LRRIQ3: variants seen among roughly 807,000 people sequenced by gnomAD.
The protein encoded by LRRIQ3 is leucine-rich repeat and IQ domain-containing protein 3.
Under a neutral mutation model 59.3 loss-of-function variants are expected in LRRIQ3, and 75 were observed. That is an observed-to-expected ratio of 1.26 (90% CI 1.05 to 1.53). The LOEUF (loss-of-function observed/expected upper bound fraction) is 1.53. Ranked by LOEUF, LRRIQ3 falls within the 40% of genes most tolerant of loss-of-function variation. The pLI is 0.00. For synonymous variants in LRRIQ3, 250 were observed against 231.3 expected (o/e 1.08, Z -0.73); for missense variants, 831 against 710.0 (o/e 1.17, Z -1.94).
chr1:74,092,012 C>T (rs917325507), intron 5 of LRRIQ3, among the ~76,000 whole-genome samples: 23 of 151,828 alleles, frequency 1.5e-4, no homozygotes, highest in Non-Finnish European at 2.8e-4. Flanking sequence ...ATGATAAAAC[C>T]AAAATCTAGC....
At chr1:74,044,531 C>T (rs1166748063) in intron 6 of LRRIQ3, among the ~76,000 whole-genome samples, 2 of 152,164 alleles carry the variant, frequency 1.3e-5, no homozygotes, top group Non-Finnish European at 2.9e-5. Flanking sequence ...CTAAAATTTA[C>T]ACCCTAATAT....
chr1:74,056,070 G>C (rs542549951), intron 6 of LRRIQ3, among the ~76,000 whole-genome samples: 16 of 151,162 alleles, frequency 1.1e-4, no homozygotes, highest in Non-Finnish European at 1.9e-4. Context: ...GCTCCAAGTC[G>C]GGAGGTGGAG....
At chr1:74,113,729 A>G (rs1048756998) in intron 4 of LRRIQ3, among the ~76,000 whole-genome samples, 4 of 152,090 alleles carry the variant, frequency 2.6e-5, no homozygotes, top group African/African-American at 9.7e-5. Flanking sequence ...TTCCAGATCA[A>G]TACAAGCTAA....
intron 7 of LRRIQ3, among the ~76,000 whole-genome samples, chr1:74,034,154 T>G (rs893452101): frequency 2.0e-5 from 3 of 152,010 alleles, no homozygotes; most frequent in African/African-American, 4.8e-5. Flanking sequence ...TTATGGAAAT[T>G]TATCAGAATG....
chr1:74,124,531 T>G (rs1487689509), intron 4 of LRRIQ3, among the ~76,000 whole-genome samples: 1 of 151,982 alleles, frequency 6.6e-6, no homozygotes, highest in East Asian at 1.9e-4. Context: ...TGATGTGATT[T>G]TTCTATATGG....
At chr1:74,105,255 G>C (rs201256295) in intron 5 of LRRIQ3, among the ~76,000 whole-genome samples, 1 of 14,398 alleles carries the variant, frequency 6.9e-5, no homozygotes, top group Non-Finnish European at 7.0e-4. Context: ...GTGTGTGTGT[G>C]TATTTTTTTT....
intron 3 of LRRIQ3, among the ~76,000 whole-genome samples, chr1:74,177,589 G>A (rs1165503355): frequency 6.6e-6 from 1 of 151,584 alleles, no homozygotes; most frequent in Admixed American, 6.6e-5. Flanking sequence ...TACCTTTTTA[G>A]TCTCCTGATG....
chr1:74,197,983 C>A lies in LRRIQ3; in HGVS notation c.-1+13G>T, dbSNP rs1217181009. On this transcript the variant is annotated intron_variant, in intron 1 of 7. Coordinates refer to ENST00000354431, the MANE Select transcript of LRRIQ3 (RefSeq NM_001105659.2). ...GGTTCTAACAATTTTGTCACCCAAA[C>A]TGAACCACTCACCGGGTCAACTGGG... The A allele has an allele frequency of 6.1e-6, 3 of 494,868 alleles. No individual in the cohort carries two copies. The highest frequency in any genetic ancestry group is 1.1e-5 in the Non-Finnish European group (3 of 283,610). The allele number at this position is 494,868 out of a possible 1,614,324, so 30.7% of individuals were successfully genotyped here.
At chr1:74,083,210 G>A (rs1646291668) in intron 5 of LRRIQ3, 1 of 151,616 alleles carries the variant, frequency 6.6e-6, no homozygotes, top group African/African-American at 2.4e-5. Flanking sequence ...AAATTCTACA[G>A]CCTCAGTACA....
intron 3 of LRRIQ3, among the ~76,000 whole-genome samples, chr1:74,156,682 T>G (rs1570228603): frequency 6.6e-6 from 1 of 152,194 alleles, no homozygotes. Flanking sequence ...AAATAATGTA[T>G]AGTAGTTAAA....
chr1:74,059,636 T>C (rs1218356820), intron 6 of LRRIQ3, among the ~76,000 whole-genome samples: 2 of 152,086 alleles, frequency 1.3e-5, no homozygotes, highest in African/African-American at 4.8e-5. Flanking sequence ...AACTGTGAGT[T>C]CTTCAAATTT....
intron 5 of LRRIQ3, among the ~76,000 whole-genome samples, chr1:74,086,117 C>T (rs1001719508): frequency 3.3e-5 from 5 of 152,056 alleles, no homozygotes; most frequent in Non-Finnish European, 5.9e-5. Flanking sequence ...ATAAATTTAT[C>T]TTTGTGAACA....
chr1:74,094,936 A>T (rs138004704), intron 5 of LRRIQ3: 1 of 152,266 alleles, frequency 6.6e-6, no homozygotes, highest in African/African-American at 2.4e-5. Flanking sequence ...TCTATAATAA[A>T]GGAAACTCAT....
At chr1:74,187,613 G>C (rs574341054) in intron 1 of LRRIQ3, among the ~76,000 whole-genome samples, 77 of 152,170 alleles carry the variant, frequency 5.1e-4, no homozygotes, top group Non-Finnish European at 9.0e-4. Context: ...ACGAGGTATA[G>C]AAGACTACAT....
At chr1:74,138,167 A>C (rs79003618) in intron 4 of LRRIQ3, among the ~76,000 whole-genome samples, 7,389 of 109,134 alleles carry the variant, frequency 0.068, 206 homozygotes, top group Admixed American at 0.097. Context: ...AACAAACAAA[A>C]AAAAAAAACA....
chr1:74,115,673 A>T (rs1333937074), intron 4 of LRRIQ3, among the ~76,000 whole-genome samples: 5 of 152,122 alleles, frequency 3.3e-5, no homozygotes, highest in African/African-American at 1.2e-4. Context: ...GGGGTCTTGG[A>T]TCTTTCATGA....
Position 74,075,331 on chromosome 1 carries a change from C to A in LRRIQ3, c.868-541G>T, listed in dbSNP as rs1646192807. Among the ~76,000 whole-genome samples, 3 of 152,144 alleles carry A rather than the reference C, an allele frequency of 2.0e-5. No individual in the cohort carries two copies. In the South Asian group the frequency reaches 6.2e-4, roughly 32 times the overall value. On this transcript the variant is annotated intron_variant, in intron 5 of 7. Coordinates refer to ENST00000354431, the MANE Select transcript of LRRIQ3 (RefSeq NM_001105659.2). ...CCTGTAACCCTAGCACTTTGGGAGG[C>A]CGAGGCAGGTGGATCACCTGAGGTT...
chr1:74,046,864 G>C (rs1296964008), intron 6 of LRRIQ3, among the ~76,000 whole-genome samples: 1 of 152,130 alleles, frequency 6.6e-6, no homozygotes, highest in Non-Finnish European at 1.5e-5. Context: ...CATCATCTTT[G>C]GTCATTATAG....
chr1:74,130,812 A>G (rs1557630536), intron 4 of LRRIQ3, among the ~76,000 whole-genome samples: 1 of 152,140 alleles, frequency 6.6e-6, no homozygotes, highest in Admixed American at 6.6e-5. Context: ...TAACATCACA[A>G]TTAAAAGAAC....
Sources: gnomAD v4.1 joint callset for allele counts (sites outside exome capture counted in the v4.1 genomes callset) on GRCh38, gnomAD v4.1.1 for gene constraint, MANE v1.5 for transcripts, NCBI Gene and HGNC (gene_info 2026-07-23, HGNC 2026-07-21) for gene names.